The following SOX6 variants were observed in gnomAD, a reference collection of about 807,000 sequenced individuals.
SOX6 encodes the protein transcription factor SOX-6.
In SOX6, 11 loss-of-function variants were observed where a neutral mutation model predicts 97.8. The observed-to-expected ratio is 0.11, with a 90% confidence interval of 0.07 to 0.19. The LOEUF (loss-of-function observed/expected upper bound fraction) is 0.19. Ranked by LOEUF, SOX6 falls within the 10% of genes least tolerant of loss-of-function variation. The pLI, the probability that SOX6 is intolerant of heterozygous loss-of-function variation, is 1.00. For missense variants in SOX6, 810 were observed against 1,039.5 expected (o/e 0.78, Z 3.04); for synonymous variants, 360 against 371.4 (o/e 0.97, Z 0.35).
At chr11:16,516,649 A>G (rs1860979421) in intron 4 of SOX6, among the ~76,000 whole-genome samples, 2 of 151,230 alleles carry the variant, frequency 1.3e-5, no homozygotes, top group South Asian at 2.1e-4. Flanking sequence ...ATCTCTGAAT[A>G]GACCAATAAC....
At chr11:16,369,948 G>T (rs1273150280) in intron 1 of SOX6, among the ~76,000 whole-genome samples, 2 of 152,094 alleles carry the variant, frequency 1.3e-5, no homozygotes, top group African/African-American at 4.8e-5. Flanking sequence ...ATTTATGGCT[G>T]CACCATTTAT....
chr11:16,299,742 C>T (rs1855200209), intron 3 of SOX6, among the ~76,000 whole-genome samples: 1 of 152,038 alleles, frequency 6.6e-6, no homozygotes, highest in African/African-American at 2.4e-5. Context: ...TAAAAAACAA[C>T]TGTGTATTAC....
At chr11:16,291,670 T>G (rs1241456697) in intron 3 of SOX6, among the ~76,000 whole-genome samples, 1 of 152,070 alleles carries the variant, frequency 6.6e-6, no homozygotes, top group Admixed American at 6.6e-5. Context: ...TCTTCTTAGG[T>G]AGGCAGGTAA....
chr11:16,361,965 C>A (rs1476163926), intron 1 of SOX6, among the ~76,000 whole-genome samples: 2 of 152,150 alleles, frequency 1.3e-5, no homozygotes, highest in Admixed American at 1.3e-4. Flanking sequence ...TACATTATTT[C>A]TTTCAATTCA....
At chr11:16,013,917 A>G (rs1854807188) in intron 13 of SOX6, among the ~76,000 whole-genome samples, 1 of 151,914 alleles carries the variant, frequency 6.6e-6, no homozygotes, top group African/African-American at 2.4e-5. Flanking sequence ...TTTTCGAGGG[A>G]TTTTAGGGTC....
intron 12 of SOX6, among the ~76,000 whole-genome samples, chr11:16,042,016 T>C (rs1022308773): frequency 6.6e-6 from 1 of 152,186 alleles, no homozygotes; most frequent in Non-Finnish European, 1.5e-5. Flanking sequence ...GAATGTGATA[T>C]TAATTGAGCA....
At chr11:16,528,469 C>T (rs1861198274) in intron 4 of SOX6, among the ~76,000 whole-genome samples, 1 of 152,068 alleles carries the variant, frequency 6.6e-6, no homozygotes, top group Non-Finnish European at 1.5e-5. Flanking sequence ...ATATGTGACT[C>T]CAAAGCATTT....
At chr11:16,341,388 G>A (rs1365258412) in intron 1 of SOX6, 136 bp from the exon 2 acceptor site, 10 of 1,219,934 alleles carry the variant, frequency 8.2e-6, no homozygotes, top group South Asian at 1.6e-5. Context: ...CTAAACCCCT[G>A]AAAAAGAACT....
chr11:16,346,102 G>C (rs1490607206), intron 1 of SOX6, among the ~76,000 whole-genome samples: 1 of 151,548 alleles, frequency 6.6e-6, no homozygotes, highest in Non-Finnish European at 1.5e-5. Context: ...AAAACTTCAG[G>C]CCAACATTCC....
intron 7 of SOX6, among the ~76,000 whole-genome samples, chr11:16,099,393 T>C (rs1396547835): frequency 9.2e-5 from 14 of 151,896 alleles, no homozygotes; most frequent in Non-Finnish European, 7.4e-5. Flanking sequence ...CTTTGGTAGA[T>C]ATCAAGTTTT....
intron 1 of SOX6, among the ~76,000 whole-genome samples, chr11:16,412,722 G>A (rs1858846742): frequency 6.6e-6 from 1 of 152,132 alleles, no homozygotes; most frequent in African/African-American, 2.4e-5. Context: ...GGTATAATTA[G>A]GAAATTGGTT....
intron 3 of SOX6, among the ~76,000 whole-genome samples, chr11:16,630,248 C>CA (rs1484573102): frequency 6.6e-6 from 1 of 152,162 alleles, no homozygotes; most frequent in African/African-American, 2.4e-5. Flanking sequence ...TTCCTTTCAA[C>CA]ATTGCTTTTA....
chr11:15,995,402 A>T (rs1377288143), intron 13 of SOX6, among the ~76,000 whole-genome samples: 1 of 152,212 alleles, frequency 6.6e-6, no homozygotes, highest in East Asian at 1.9e-4. Context: ...CAACGTGTGC[A>T]GCAGGTAATT....
At chr11:16,650,134 A>G (rs1847624723) in intron 3 of SOX6, among the ~76,000 whole-genome samples, 1 of 152,178 alleles carries the variant, frequency 6.6e-6, no homozygotes, top group South Asian at 2.1e-4. Context: ...AATTTATAAA[A>G]CAATTACTAC....
intron 2 of SOX6, among the ~76,000 whole-genome samples, chr11:16,725,215 T>C (rs919084828): frequency 1.3e-5 from 2 of 152,232 alleles, no homozygotes; most frequent in Non-Finnish European, 2.9e-5. Context: ...TTCAACAATA[T>C]AAGTGAACCT....
At chr11:16,130,436 A>G (rs968099211) in intron 6 of SOX6, among the ~76,000 whole-genome samples, 3 of 152,018 alleles carry the variant, frequency 2.0e-5, no homozygotes, top group Non-Finnish European at 4.4e-5. Flanking sequence ...ATGCATATCA[A>G]AATAGCATAT....
At chr11:16,583,633 A>ATGTATATATGTG (rs1848060251) in intron 4 of SOX6, among the ~76,000 whole-genome samples, 1 of 141,430 alleles carries the variant, frequency 7.1e-6, no homozygotes, top group Non-Finnish European at 1.6e-5. Flanking sequence ...ATATATATAT[A>ATGTATATATGTG]TATACACATA....
At position 15,967,590 on chromosome 11, in the gene SOX6, A is replaced by G. The variant is rs1169298352; in HGVS notation, c.*5219T>C. On this transcript the variant is annotated 3_prime_UTR_variant, in exon 16 of 16. Transcript: ENST00000683767. ...AATGCTAAGCATTCTAATTTGCTACAAGCTGGAGGAGGGTACAATAAAGAC... is the reference window on the plus strand; with the variant it reads ...AATGCTAAGCATTCTAATTTGCTACGAGCTGGAGGAGGGTACAATAAAGAC... The G allele has an allele frequency of 1.3e-5, 2 of 152,222 alleles. No homozygotes were observed. The highest frequency in any genetic ancestry group is 2.9e-5 in the Non-Finnish European group (2 of 68,042). The allele number at this position is 152,222 out of a possible 1,614,324, so 9.4% of individuals were successfully genotyped here.
chr11:16,376,887 A>G (rs928297635), intron 1 of SOX6, among the ~76,000 whole-genome samples: 1 of 152,094 alleles, frequency 6.6e-6, no homozygotes, highest in African/African-American at 2.4e-5. Context: ...GGGAAGGGAA[A>G]GGAGAGAATT....
Sources: allele counts gnomAD v4.1 joint callset (sites outside exome capture counted in the v4.1 genomes callset), GRCh38; gene constraint gnomAD v4.1.1; transcripts MANE v1.5; gene names NCBI Gene and HGNC (gene_info 2026-07-23, HGNC 2026-07-21).